The following WIPF3 variants were observed in gnomAD, a reference collection of about 807,000 sequenced individuals.
WIPF3 encodes the protein WAS/WASL-interacting protein family member 3.
A neutral mutation model predicts 38.9 loss-of-function variants in WIPF3; 33 were observed. The observed-to-expected ratio is 0.85, with a 90% CI of 0.64 to 1.14. The LOEUF is 1.14. Among genes scored for constraint, WIPF3 ranks in the 50% most tolerant of loss-of-function variants. WIPF3 has a pLI of 0.00. For synonymous variants in WIPF3, 324 were observed against 269.3 expected (o/e 1.20, Z -1.99); for missense variants, 711 against 652.5 (o/e 1.09, Z -0.98).
chr7:29,876,574 C>T (rs1785602573), intron 3 of WIPF3, among the ~76,000 whole-genome samples: 1 of 152,194 alleles, frequency 6.6e-6, no homozygotes, highest in Non-Finnish European at 1.5e-5. Flanking sequence ...CTCCTTTTAT[C>T]ATTGAATATT....
intron 1 of WIPF3, among the ~76,000 whole-genome samples, chr7:29,813,448 G>A (rs371531596): frequency 8.5e-5 from 13 of 152,232 alleles, no homozygotes; most frequent in South Asian, 8.3e-4. Context: ...ACTCACACAG[G>A]GCAGGACTCT....
At chr7:29,812,406 G>T (rs1445421288) in intron 1 of WIPF3, among the ~76,000 whole-genome samples, 1 of 152,142 alleles carries the variant, frequency 6.6e-6, no homozygotes, top group Non-Finnish European at 1.5e-5. Context: ...CCATCTTCCT[G>T]CTTCACCACA....
At chr7:29,827,187 A>G (rs1332135845) in intron 1 of WIPF3, among the ~76,000 whole-genome samples, 1 of 152,130 alleles carries the variant, frequency 6.6e-6, no homozygotes, top group Non-Finnish European at 1.5e-5. Flanking sequence ...ACTCAGGCCA[A>G]CATGCCCCAC....
At chr7:29,836,282 A>G (rs566853063) in intron 2 of WIPF3, among the ~76,000 whole-genome samples, 8 of 152,236 alleles carry the variant, frequency 5.3e-5, no homozygotes, top group Non-Finnish European at 8.8e-5. Context: ...AAGAAGTACA[A>G]CTTAGAATAA....
At chr7:29,898,197 A>T (rs1299534261) in intron 7 of WIPF3, among the ~76,000 whole-genome samples, 1 of 152,134 alleles carries the variant, frequency 6.6e-6, no homozygotes, top group South Asian at 2.1e-4. Context: ...TTTAGATTTT[A>T]TGACAGCTCT....
intron 1 of WIPF3, among the ~76,000 whole-genome samples, chr7:29,811,001 ACCTCAG>A (rs1382022955): frequency 6.6e-6 from 1 of 151,808 alleles, no homozygotes; most frequent in African/African-American, 2.4e-5. Context: ...TGATCCTCCC[ACCTCAG>A]CCTCCTGAGG....
At chr7:29,828,089 G>T (rs145776848) in intron 1 of WIPF3, among the ~76,000 whole-genome samples, 1 of 152,234 alleles carries the variant, frequency 6.6e-6, no homozygotes, top group African/African-American at 2.4e-5. Context: ...ATGAGCCACT[G>T]CACCCAGCCC....
chr7:29,835,480 T>C (rs1331939399), intron 2 of WIPF3, among the ~76,000 whole-genome samples: 1 of 152,106 alleles, frequency 6.6e-6, no homozygotes, highest in Non-Finnish European at 1.5e-5. Context: ...CTATGCATTG[T>C]AGGATGTTTA....
intron 8 of WIPF3, among the ~76,000 whole-genome samples, chr7:29,913,122 G>A (rs1030408183): frequency 3.9e-5 from 6 of 152,128 alleles, no homozygotes; most frequent in South Asian, 2.1e-4. Context: ...CAAGGCAGTC[G>A]GATCACCTGA....
In WIPF3 at chr7:29,878,935, C is replaced by A; in HGVS notation, c.224-74C>A. The A allele has an allele frequency of 6.6e-7, 1 of 1,514,620 alleles. No homozygotes were observed. Among genetic ancestry groups the A allele is most frequent in the East Asian group, 2.4e-5 (1 of 41,148 alleles). 93.8% of individuals were successfully genotyped at this position (1,514,620 alleles called of 1,614,324 possible). ...AGGGCAGTGGTAGACCAGTGTTAGA[C>A]CATGGTCTGAAATGAGACCTGGCTG... On this transcript the variant is annotated intron_variant, in intron 3 of 8. Coordinates refer to ENST00000242140, the MANE Select transcript of WIPF3 (RefSeq NM_001080529.3). The surrounding 1 kb of genome is among the most constrained non-coding windows in gnomAD (Gnocchi z 4.0).
intron 7 of WIPF3, among the ~76,000 whole-genome samples, chr7:29,901,648 C>T (rs1786277983): frequency 6.6e-6 from 1 of 151,160 alleles, no homozygotes; most frequent in African/African-American, 2.4e-5. Flanking sequence ...TTCTATTTTT[C>T]TATTTGAAGC....
At chr7:29,840,069 C>T (rs1784889676) in intron 2 of WIPF3, among the ~76,000 whole-genome samples, 1 of 152,172 alleles carries the variant, frequency 6.6e-6, no homozygotes, top group Middle Eastern at 3.2e-3. Context: ...CAGCCTGGCC[C>T]CTTCCAAGAG....
chr7:29,884,733 T>C, intron 5 of WIPF3, 140 bp downstream of exon 5: 3 of 1,306,466 alleles, frequency 2.3e-6, no homozygotes, highest in Non-Finnish European at 3.0e-6. Flanking sequence ...CCCAAAATCA[T>C]GCTGCATGTA....
chr7:29,845,460 G>A (rs758002110), intron 2 of WIPF3, among the ~76,000 whole-genome samples: 10 of 152,210 alleles, frequency 6.6e-5, no homozygotes, highest in Non-Finnish European at 1.3e-4. Flanking sequence ...ACCAGGGCAT[G>A]ACATTGGTCA....
chr7:29,898,746 T>C lies in WIPF3; in HGVS notation c.1352-5540T>C, dbSNP rs73686269. ...GTGATGATAACCACTTTTAATACAT[T>C]GGTGTACATATTTCTGGTCTTTTCT... On this transcript the variant is annotated intron_variant, in intron 7 of 8. Coordinates refer to ENST00000242140, the MANE Select transcript of WIPF3 (RefSeq NM_001080529.3). 6.2e-3 allele frequency among the ~76,000 whole-genome samples: 950 copies of C among 152,324 alleles called. 9 individuals carry two copies. Among genetic ancestry groups the C allele is most frequent in the African/African-American group, 0.022 (897 of 41,566 alleles).
intron 2 of WIPF3, among the ~76,000 whole-genome samples, chr7:29,856,353 C>T (rs897189010): frequency 3.3e-5 from 5 of 152,152 alleles, no homozygotes; most frequent in Non-Finnish European, 5.9e-5. Flanking sequence ...TCAGGCCAGG[C>T]ACAGTGTCTC....
intron 1 of WIPF3, among the ~76,000 whole-genome samples, chr7:29,820,691 C>T (rs887529456): frequency 6.6e-6 from 1 of 152,218 alleles, no homozygotes; most frequent in Middle Eastern, 3.4e-3. Context: ...ACCTCCTTTC[C>T]ACCATTCAAT....
intron 2 of WIPF3, among the ~76,000 whole-genome samples, chr7:29,851,257 G>T (rs1006582355): frequency 3.3e-5 from 5 of 152,172 alleles, no homozygotes; most frequent in African/African-American, 1.2e-4. Context: ...TTTCCCCAGG[G>T]CTCTGCAGAG....
intron 1 of WIPF3, among the ~76,000 whole-genome samples, chr7:29,816,962 AC>A (rs1784466230): frequency 6.6e-6 from 1 of 152,202 alleles, no homozygotes; most frequent in Admixed American, 6.5e-5. Flanking sequence ...CAGAAGTTGT[AC>A]AAATTTATAT....
Sources: allele counts gnomAD v4.1 joint callset (sites outside exome capture counted in the v4.1 genomes callset), GRCh38; gene constraint gnomAD v4.1.1; non-coding constraint Gnocchi (gnomAD v3.1); transcripts MANE v1.5; gene names NCBI Gene and HGNC (gene_info 2026-07-23, HGNC 2026-07-21).